Variants in TMC2 observed in about 807,000 individuals in gnomAD.
TMC2 encodes the protein transmembrane channel like 2, also known as transmembrane channel-like protein 2.
In TMC2, 102 loss-of-function variants were observed where a neutral mutation model predicts 105.9. The ratio of observed to expected loss-of-function variants is 0.96; its 90% CI spans 0.82 to 1.14. TMC2 has a LOEUF of 1.14. Among genes scored for constraint, TMC2 ranks in the 50% most tolerant of loss-of-function variants. The pLI, the probability that TMC2 is intolerant of heterozygous loss-of-function variation, is 0.00. For synonymous variants in TMC2, 402 were observed against 422.8 expected (o/e 0.95, Z 0.60); for missense variants, 1,093 against 1,134.3 (o/e 0.96, Z 0.52).
chr20:2,584,717 C>T (rs1029211307), intron 7 of TMC2, among the ~76,000 whole-genome samples: 2 of 152,056 alleles, frequency 1.3e-5, no homozygotes. Context: ...GTCTCATTTA[C>T]AGCAAAGTTT....
rs559439347 is a variant in TMC2, at chr20:2,564,306, G to A, written c.554+2296G>A. Among the ~76,000 whole-genome samples, 9 of 151,904 alleles carry A rather than the reference G, an allele frequency of 5.9e-5. No individual in the cohort carries two copies. In the South Asian group the frequency reaches 1.0e-3, roughly 18 times the overall value. ...GCTGGGACTACAGGCGCCCACCACC[G>A]TGCCCAGCTAATTTTCTGTATTTTT... On this transcript the variant is annotated intron_variant, in intron 4 of 19. Coordinates refer to ENST00000358864, the MANE Select transcript of TMC2 (RefSeq NM_080751.3).
intron 8 of TMC2, among the ~76,000 whole-genome samples, chr20:2,593,793 C>T (rs1223490956): frequency 1.3e-5 from 2 of 152,110 alleles, no homozygotes; most frequent in African/African-American, 4.8e-5. Flanking sequence ...CCCTGTCACT[C>T]CCCTACCTCA....
chr20:2,607,014 CA>C (rs2086399338), intron 11 of TMC2, among the ~76,000 whole-genome samples: 2 of 149,114 alleles, frequency 1.3e-5, no homozygotes, highest in Non-Finnish European at 3.0e-5. Flanking sequence ...TTTGAATACT[CA>C]TTATAATTTT....
chr20:2,565,591 C>G (rs979141731), intron 4 of TMC2, among the ~76,000 whole-genome samples: 1 of 152,186 alleles, frequency 6.6e-6, no homozygotes, highest in African/African-American at 2.4e-5. Flanking sequence ...CCCTTTGCTA[C>G]CAGTATGATT....
At chr20:2,552,980 T>C (rs769998759) in intron 2 of TMC2, among the ~76,000 whole-genome samples, 2 of 152,208 alleles carry the variant, frequency 1.3e-5, no homozygotes, top group Non-Finnish European at 2.9e-5. Context: ...GTTCTTGTGG[T>C]TTATTTTGTT....
chr20:2,588,266 G>A (rs919682822), intron 7 of TMC2, among the ~76,000 whole-genome samples: 6 of 152,204 alleles, frequency 3.9e-5, no homozygotes, highest in South Asian at 2.1e-4. Context: ...CTGCCACCCC[G>A]CAAGGAAACA....
At chr20:2,548,638 CA>C (rs148686160) in intron 2 of TMC2, among the ~76,000 whole-genome samples, 151 of 135,936 alleles carry the variant, frequency 1.1e-3, no homozygotes, top group African/African-American at 1.4e-3. Context: ...AACTCCATCT[CA>C]AAAAAAAAAA....
chr20:2,550,020 T>C (rs370877759), intron 2 of TMC2, among the ~76,000 whole-genome samples: 1 of 151,970 alleles, frequency 6.6e-6, no homozygotes, highest in East Asian at 1.9e-4. Context: ...CCGTCTCTAC[T>C]AAAAATACAA....
intron 4 of TMC2, among the ~76,000 whole-genome samples, chr20:2,567,939 A>G (rs2086075986): frequency 6.6e-6 from 1 of 152,342 alleles, no homozygotes; most frequent in African/African-American, 2.4e-5. Context: ...GAAATTACCC[A>G]ATCTAAACTA....
intron 4 of TMC2, among the ~76,000 whole-genome samples, chr20:2,563,198 A>G (rs1036115615): frequency 3.9e-5 from 6 of 152,156 alleles, no homozygotes; most frequent in South Asian, 2.1e-4. Context: ...GCAATTTGGC[A>G]GCCATGTTTT....
At chr20:2,539,281 G>A (rs1284803621) in intron 2 of TMC2, among the ~76,000 whole-genome samples, 4 of 152,186 alleles carry the variant, frequency 2.6e-5, no homozygotes, top group African/African-American at 9.7e-5. Context: ...CTTATTTTCT[G>A]TGTTGAAGAG....
chr20:2,611,544 G>A (rs1313945640), intron 12 of TMC2, among the ~76,000 whole-genome samples: 2 of 152,150 alleles, frequency 1.3e-5, no homozygotes, highest in Non-Finnish European at 2.9e-5. Flanking sequence ...TGGCCCAGCT[G>A]TCACTGCCTC....
Position 2,616,043 on chromosome 20 carries a change from G to A in TMC2, c.1873-94G>A, listed in dbSNP as rs6050621. The A allele has an allele frequency of 3.8e-3, 3,571 of 951,126 alleles. 28 individuals are homozygous for A. The highest frequency in any genetic ancestry group is 0.024 in the Middle Eastern group (110 of 4,494). The allele number at this position is 951,126 out of a possible 1,614,324, so 58.9% of individuals were successfully genotyped here. A position where few individuals can be genotyped will look rare whatever the true frequency, so the allele number is the denominator to read the frequency against. On this transcript the variant is annotated intron_variant, in intron 14 of 19. Transcript: ENST00000358864. The surrounding 1 kb of genome is among the most constrained non-coding windows in gnomAD (Gnocchi z 4.8). ...GGCTCTTTGGGATGGAATGGCCTTG[G>A]CTTGGCCAGTTGGTTGGTAGTAGGG...
intron 2 of TMC2, among the ~76,000 whole-genome samples, chr20:2,541,895 TTTTCCGCCGTTTCCTAATTGCA>T (rs1430782030): frequency 3.6e-5 from 2 of 55,020 alleles, no homozygotes; most frequent in Non-Finnish European, 9.0e-5. Flanking sequence ...TAAAACTGCA[TTTTCCGCCGTTTCCTAATTGCA>T]TTTCCCCATT....
At chr20:2,588,426 C>T (rs1357698239) in intron 7 of TMC2, among the ~76,000 whole-genome samples, 3 of 152,184 alleles carry the variant, frequency 2.0e-5, no homozygotes, top group Non-Finnish European at 1.5e-5. Flanking sequence ...TCCAGCCACA[C>T]CATGCTAGAC....
chr20:2,563,925 G>C (rs538993776), intron 4 of TMC2, among the ~76,000 whole-genome samples: 1 of 151,804 alleles, frequency 6.6e-6, no homozygotes, highest in Admixed American at 6.6e-5. Context: ...ACAGGGTCTC[G>C]CTATGTTGCC....
intron 4 of TMC2, among the ~76,000 whole-genome samples, chr20:2,563,095 C>A (rs537266406): frequency 1.2e-4 from 18 of 152,310 alleles, no homozygotes; most frequent in Non-Finnish European, 2.2e-4. Context: ...GCACTCCCCC[C>A]GTTTCCTCTG....
rs56821075 is a variant in TMC2 at position 2,629,529 on chromosome 20, T to TAAAAAAAAAAAAAAAAA, written c.2306+5135_2306+5151dup. 3.4e-5 allele frequency among the ~76,000 whole-genome samples: 4 copies of TAAAAAAAAAAAAAAAAA among 116,058 alleles called. 1 individual carries two copies. The highest frequency in any genetic ancestry group is 3.4e-5 in the Non-Finnish European group (2 of 58,202). 76.1% of individuals were successfully genotyped at this position (116,058 alleles called of 152,430 possible). ...TCTAATTATTGATTTCTTACAGAAG[T>TAAAAAAAAAAAAAAAAA]AAAAAAAAAAAAAAAAAAGTGACCT... On this transcript the variant is annotated intron_variant, in intron 17 of 19. Coordinates refer to ENST00000358864, the MANE Select transcript of TMC2 (RefSeq NM_080751.3).
chr20:2,595,550 T>G (rs1225531206), intron 9 of TMC2, among the ~76,000 whole-genome samples: 1 of 152,210 alleles, frequency 6.6e-6, no homozygotes, highest in Non-Finnish European at 1.5e-5. Flanking sequence ...GTCTCTGTGG[T>G]CAGAAGTGGC....
Sources: gnomAD v4.1 joint callset for allele counts (sites outside exome capture counted in the v4.1 genomes callset) on GRCh38, gnomAD v4.1.1 for gene constraint, Gnocchi (gnomAD v3.1) non-coding constraint, MANE v1.5 for transcripts, NCBI Gene and HGNC (gene_info 2026-07-23, HGNC 2026-07-21) for gene names.